Variants in ZFPM2 observed in about 807,000 individuals in gnomAD.
ZFPM2 encodes zinc finger protein ZFPM2.
A neutral mutation model predicts 98.6 loss-of-function variants in ZFPM2; 20 were observed. The observed-to-expected ratio is 0.20, with a 90% CI of 0.14 to 0.29. ZFPM2 has a LOEUF of 0.29. ZFPM2 is among the 10% of genes least tolerant of loss of function. The pLI, the probability that ZFPM2 is intolerant of heterozygous loss-of-function variation, is 1.00. For missense variants in ZFPM2, 1,310 were observed against 1,388.6 expected (o/e 0.94, Z 0.90); for synonymous variants, 518 against 502.7 (o/e 1.03, Z -0.41).
chr8:105,319,714 TC>T (rs1362859235), intron 1 of ZFPM2: 1 of 152,146 alleles, frequency 6.6e-6, no homozygotes, highest in Non-Finnish European at 1.5e-5. Context: ...CGCGGAGTCC[TC>T]CCTGGGAGGG....
At chr8:105,395,545 T>A (rs894038699) in intron 1 of ZFPM2, among the ~76,000 whole-genome samples, 1 of 152,172 alleles carries the variant, frequency 6.6e-6, no homozygotes, top group Non-Finnish European at 1.5e-5. Flanking sequence ...CCACTTCCTC[T>A]TTCTAGGTGT....
chr8:105,496,303 C>T (rs543106522), intron 3 of ZFPM2, among the ~76,000 whole-genome samples: 7 of 152,092 alleles, frequency 4.6e-5, no homozygotes, highest in Non-Finnish European at 8.8e-5. Flanking sequence ...TGAACCACCA[C>T]GCCCAGCCAG....
intron 5 of ZFPM2, among the ~76,000 whole-genome samples, chr8:105,754,644 T>C (rs1812552404): frequency 6.6e-6 from 1 of 151,990 alleles, no homozygotes; most frequent in African/African-American, 2.4e-5. Context: ...AAAAAGAATA[T>C]AAGAAATGTG....
chr8:105,396,297 G>A (rs2129961039), intron 1 of ZFPM2, among the ~76,000 whole-genome samples: 1 of 152,314 alleles, frequency 6.6e-6, no homozygotes, highest in Non-Finnish European at 1.5e-5. Context: ...GGTTGTGCCT[G>A]TTGAAGAGTT....
Position 105,779,525 on chromosome 8 carries a change from G to C in ZFPM2, c.533-9193G>C, listed in dbSNP as rs571131191. ...GAAGCCATGAATTGCAGATAGCATG[G>C]ATGAAGTTAAAAGCTTTTATTCTGG... On this transcript the variant is annotated intron_variant, in intron 5 of 7. Transcript: ENST00000407775. Among the ~76,000 whole-genome samples the C allele has an allele frequency of 1.7e-3, 262 of 152,278 alleles. 2 individuals carry two copies. Among genetic ancestry groups the C allele is most frequent in the African/African-American group, 6.1e-3 (255 of 41,546 alleles).
intron 1 of ZFPM2, among the ~76,000 whole-genome samples, chr8:105,382,915 A>G (rs986703199): frequency 5.9e-5 from 9 of 152,190 alleles, no homozygotes; most frequent in Admixed American, 2.0e-4. Flanking sequence ...TTAAAGGTGT[A>G]GAATATAGTA....
chr8:105,483,572 A>G lies in ZFPM2; in HGVS notation c.301+39191A>G, dbSNP rs1321931014. The stretch of plus-strand genomic sequence containing the variant: ...GCCACTGCCCTCCAGCCTGGGTGAC[A>G]AAGTGGGAGTCCATCTCAAAAAAAA... On this transcript the variant is annotated intron_variant, in intron 3 of 7. Transcript: ENST00000407775. 5.3e-5 allele frequency among the ~76,000 whole-genome samples: 8 copies of G among 151,498 alleles called. No individual in the cohort carries two copies. The East Asian group carries it at 1.6e-3, about 30-fold the overall frequency.
In ZFPM2 at chr8:105,330,539, TATATATATATATAC is replaced by T. The variant is rs1563606409; in HGVS notation, c.40+11572_40+11585del. Among the ~76,000 whole-genome samples the T allele has an allele frequency of 8.5e-3, 594 of 69,644 alleles. 11 individuals are homozygous for T. The highest frequency in any genetic ancestry group is 0.033 in the African/African-American group (567 of 17,376). 45.7% of individuals were successfully genotyped at this position (69,644 alleles called of 152,430 possible). ...AAAACAATTTCTCTCTCTCTCTCTC[TATATATATATATAC>T]ATATATATATATATACATATATATA... On this transcript the variant is annotated intron_variant, in intron 1 of 7. Coordinates refer to ENST00000407775, the MANE Select transcript of ZFPM2 (RefSeq NM_012082.4).
chr8:105,742,205 T>G (rs546150129), intron 5 of ZFPM2, among the ~76,000 whole-genome samples: 6 of 151,320 alleles, frequency 4.0e-5, no homozygotes, highest in Admixed American at 2.0e-4. Context: ...ATAGTGAGAC[T>G]CTCCACAAAA....
At chr8:105,678,918 CA>C (rs1248048193) in intron 5 of ZFPM2, 1 of 152,158 alleles carries the variant, frequency 6.6e-6, no homozygotes, top group Non-Finnish European at 1.5e-5. Context: ...GGACACATCA[CA>C]AAATAATCAA....
chr8:105,405,936 C>A (rs1811447793), intron 1 of ZFPM2, among the ~76,000 whole-genome samples: 1 of 152,238 alleles, frequency 6.6e-6, no homozygotes, highest in African/African-American at 2.4e-5. Context: ...TCCTCTCCAG[C>A]ACCTGTTGTT....
At chr8:105,513,823 G>C (rs1270125308) in intron 3 of ZFPM2, among the ~76,000 whole-genome samples, 1 of 152,100 alleles carries the variant, frequency 6.6e-6, no homozygotes, top group Non-Finnish European at 1.5e-5. Flanking sequence ...TTAATGTATG[G>C]ATTGGTTTAT....
intron 5 of ZFPM2, among the ~76,000 whole-genome samples, chr8:105,736,707 A>C (rs1812080352): frequency 1.3e-5 from 2 of 152,078 alleles, no homozygotes; most frequent in South Asian, 2.1e-4. Context: ...GATTGGCTAC[A>C]CATGGAAGAA....
intron 6 of ZFPM2, among the ~76,000 whole-genome samples, chr8:105,795,078 G>A (rs188437579): frequency 2.8e-4 from 43 of 152,252 alleles, no homozygotes; most frequent in African/African-American, 9.1e-4. Flanking sequence ...TGCACGGTGC[G>A]CTGCACCCAC....
intron 3 of ZFPM2, among the ~76,000 whole-genome samples, chr8:105,502,659 T>C (rs910371950): frequency 2.0e-5 from 3 of 152,248 alleles, no homozygotes; most frequent in African/African-American, 7.2e-5. Flanking sequence ...CAAATTGTGC[T>C]AGGCCAATTT....
intron 1 of ZFPM2, among the ~76,000 whole-genome samples, chr8:105,394,659 A>G (rs1415301286): frequency 6.6e-6 from 1 of 152,216 alleles, no homozygotes; most frequent in Non-Finnish European, 1.5e-5. Flanking sequence ...TGAAATGTGC[A>G]TGAGCGGCTT....
chr8:105,658,071 G>A (rs1412141747), intron 5 of ZFPM2, among the ~76,000 whole-genome samples: 1 of 151,902 alleles, frequency 6.6e-6, no homozygotes, highest in Non-Finnish European at 1.5e-5. Context: ...TCCTATTGGC[G>A]AATATTTGGG....
At chr8:105,500,603 G>T (rs1371440411) in intron 3 of ZFPM2, among the ~76,000 whole-genome samples, 2 of 152,084 alleles carry the variant, frequency 1.3e-5, no homozygotes, top group African/African-American at 4.8e-5. Context: ...TAGGTTTTAA[G>T]AAGTGATAAT....
At chr8:105,416,488 T>G (rs1811682017) in intron 1 of ZFPM2, among the ~76,000 whole-genome samples, 1 of 151,698 alleles carries the variant, frequency 6.6e-6, no homozygotes, top group Non-Finnish European at 1.5e-5. Context: ...ATATACAGGC[T>G]TTTATAATTG....
Sources: gnomAD v4.1 joint callset for allele counts (sites outside exome capture counted in the v4.1 genomes callset) on GRCh38, gnomAD v4.1.1 for gene constraint, MANE v1.5 for transcripts, NCBI Gene and HGNC (gene_info 2026-07-23, HGNC 2026-07-21) for gene names.